Variants in MAGI2 observed in about 807,000 individuals in gnomAD.
MAGI2 encodes membrane-associated guanylate kinase, WW and PDZ domain-containing protein 2.
Under a neutral mutation model 133.3 loss-of-function variants are expected in MAGI2, and 35 were observed. The observed-to-expected ratio is 0.26, with a 90% CI of 0.20 to 0.35. The LOEUF is 0.35. Ranked by LOEUF, MAGI2 falls within the 10% of genes least tolerant of loss-of-function variation. The pLI is 1.00. For missense variants in MAGI2, 1,636 were observed against 1,863.4 expected (o/e 0.88, Z 2.25); for synonymous variants, 729 against 710.6 (o/e 1.03, Z -0.41).
intron 1 of MAGI2, among the ~76,000 whole-genome samples, chr7:79,141,101 A>T (rs537600074): frequency 1.3e-5 from 2 of 152,322 alleles, no homozygotes; most frequent in East Asian, 3.9e-4. Context: ...ACATTTATCA[A>T]ATTAAAACAC....
intron 2 of MAGI2, among the ~76,000 whole-genome samples, chr7:78,851,093 A>T (rs1793089578): frequency 6.6e-6 from 1 of 152,108 alleles, no homozygotes; most frequent in African/African-American, 2.4e-5. Context: ...TATTCATTGC[A>T]AATAGCTTTA....
chr7:78,414,007 T>G (rs1230720258), intron 6 of MAGI2, among the ~76,000 whole-genome samples: 1 of 151,998 alleles, frequency 6.6e-6, no homozygotes, highest in African/African-American at 2.4e-5. Context: ...TGGGAACATA[T>G]TCCAGCCATC....
intron 1 of MAGI2, among the ~76,000 whole-genome samples, chr7:79,264,920 C>T (rs1834339494): frequency 6.6e-6 from 1 of 151,948 alleles, no homozygotes; most frequent in Non-Finnish European, 1.5e-5. Context: ...ACAACCAGTT[C>T]TCAAAAGAAC....
chr7:78,561,927 A>G (rs1383923651), intron 3 of MAGI2, among the ~76,000 whole-genome samples: 4 of 152,130 alleles, frequency 2.6e-5, no homozygotes, highest in African/African-American at 9.7e-5. Context: ...AGAAAACCAC[A>G]AGGAGGAGAG....
In MAGI2 at chr7:78,630,410, TAAC is replaced by T. The variant is rs1405695792; in HGVS notation, c.419-3174_419-3172del. Among the ~76,000 whole-genome samples, 131 of 132,988 alleles carry T rather than the reference TAAC, an allele frequency of 9.9e-4. 1 individual carries two copies. The highest frequency in any genetic ancestry group is 3.1e-3 in the African/African-American group (114 of 36,788). 87.2% of individuals were successfully genotyped at this position (132,988 alleles called of 152,430 possible). A position where few individuals can be genotyped will look rare whatever the true frequency, so the allele number is the denominator to read the frequency against. On this transcript the variant is annotated intron_variant, in intron 2 of 21. Coordinates refer to ENST00000354212, the MANE Select transcript of MAGI2 (RefSeq NM_012301.4). ...ATGTGGTGTACTGACTTTTTGTGTT[TAAC>T]TTTTTTTTTTTTTTTTTTTTGAGAC...
At chr7:78,810,022 T>C (rs890553077) in intron 2 of MAGI2, among the ~76,000 whole-genome samples, 1 of 152,186 alleles carries the variant, frequency 6.6e-6, no homozygotes, top group African/African-American at 2.4e-5. Context: ...AATATAATTA[T>C]GTAGGTTTTC....
At chr7:79,278,463 C>T (rs972599043) in intron 1 of MAGI2, among the ~76,000 whole-genome samples, 5 of 152,248 alleles carry the variant, frequency 3.3e-5, no homozygotes, top group African/African-American at 1.2e-4. Flanking sequence ...TTTGTTTTGG[C>T]AGAGTTGGTT....
chr7:79,185,413 A>C (rs1826990546), intron 1 of MAGI2, among the ~76,000 whole-genome samples: 1 of 151,882 alleles, frequency 6.6e-6, no homozygotes, highest in African/African-American at 2.4e-5. Context: ...ACTCAAACTT[A>C]ACAATCATCA....
intron 1 of MAGI2, among the ~76,000 whole-genome samples, chr7:79,216,605 G>A (rs143533746): frequency 2.1e-4 from 32 of 152,082 alleles, no homozygotes; most frequent in Non-Finnish European, 3.2e-4. Context: ...CAGATCCTGC[G>A]CCTTTTGCTC....
intron 3 of MAGI2, among the ~76,000 whole-genome samples, chr7:78,624,975 G>A (rs1323038365): frequency 6.6e-6 from 1 of 152,004 alleles, no homozygotes; most frequent in Non-Finnish European, 1.5e-5. Flanking sequence ...TATTCCAGAA[G>A]AAGGCTTTGT....
intron 1 of MAGI2, among the ~76,000 whole-genome samples, chr7:79,101,062 C>G (rs1817930218): frequency 6.6e-6 from 1 of 151,900 alleles, no homozygotes; most frequent in Admixed American, 6.6e-5. Context: ...TAATATCTGA[C>G]AAAGCAAAAG....
At chr7:79,018,390 A>G (rs6466477) in intron 1 of MAGI2, among the ~76,000 whole-genome samples, 89,037 of 151,678 alleles carry the variant, frequency 0.59, 26,426 homozygotes, top group East Asian at 0.63. Context: ...AAGAGATCCT[A>G]AAGGAAGTAG....
chr7:78,297,526 A>G (rs1395342211), intron 9 of MAGI2, among the ~76,000 whole-genome samples: 3 of 150,238 alleles, frequency 2.0e-5, no homozygotes, highest in African/African-American at 7.3e-5. Context: ...AGACACATGC[A>G]CACGTATGTT....
intron 1 of MAGI2, among the ~76,000 whole-genome samples, chr7:79,209,994 T>C (rs1274104503): frequency 6.6e-6 from 1 of 152,030 alleles, no homozygotes; most frequent in Non-Finnish European, 1.5e-5. Context: ...TGGGCACTAT[T>C]GATAAACAAA....
At chr7:78,715,461 T>C (rs1819609991) in intron 2 of MAGI2, among the ~76,000 whole-genome samples, 1 of 152,164 alleles carries the variant, frequency 6.6e-6, no homozygotes, top group African/African-American at 2.4e-5. Context: ...CAAAAAGCAA[T>C]AGGAAATGCC....
At chr7:78,469,323 C>T (rs1790953847) in intron 6 of MAGI2, among the ~76,000 whole-genome samples, 2 of 152,112 alleles carry the variant, frequency 1.3e-5, no homozygotes, top group Admixed American at 6.6e-5. Flanking sequence ...TTTACTTATT[C>T]TGTGTGGACA....
intron 6 of MAGI2, among the ~76,000 whole-genome samples, chr7:78,487,683 G>A (rs987745301): frequency 7.9e-5 from 12 of 152,072 alleles, no homozygotes; most frequent in African/African-American, 2.9e-4. Context: ...CTCAGTTCTG[G>A]TTTGGATTAG....
intron 2 of MAGI2, among the ~76,000 whole-genome samples, chr7:78,789,174 G>A (rs958599929): frequency 6.6e-6 from 1 of 151,858 alleles, no homozygotes; most frequent in Admixed American, 6.6e-5. Flanking sequence ...TCTCCTCTTT[G>A]TTCCTGTTCT....
intron 2 of MAGI2, among the ~76,000 whole-genome samples, chr7:78,716,378 G>T (rs544635856): frequency 6.6e-6 from 1 of 152,182 alleles, no homozygotes; most frequent in South Asian, 2.1e-4. Flanking sequence ...TCTTGATAAG[G>T]CACTTATGGT....
Sources: allele counts gnomAD v4.1 joint callset (sites outside exome capture counted in the v4.1 genomes callset), GRCh38; gene constraint gnomAD v4.1.1; transcripts MANE v1.5; gene names NCBI Gene and HGNC (gene_info 2026-07-23, HGNC 2026-07-21).